EPB41: variants seen among roughly 807,000 people sequenced by gnomAD.
EPB41 encodes the protein protein 4.1.
EPB41 carries 65 observed loss-of-function variants against 108.0 expected under a neutral mutation model. That is an observed-to-expected ratio of 0.60 (90% CI 0.49 to 0.74). The LOEUF (loss-of-function observed/expected upper bound fraction) is 0.74, where lower values mean the gene tolerates loss of function less well. Ranked by LOEUF, EPB41 falls within the 30% of genes least tolerant of loss-of-function variation. EPB41 has a pLI of 0.00. For synonymous variants in EPB41, 336 were observed against 358.9 expected (o/e 0.94, Z 0.72); for missense variants, 875 against 1,037.0 (o/e 0.84, Z 2.15).
In EPB41 at chr1:28,993,399, T is replaced by C. The variant is rs754849107; in HGVS notation, c.538T>C (p.Ser180Pro). 3 of 1,613,810 alleles carry C rather than the reference T, an allele frequency of 1.9e-6. No individual in the cohort carries two copies. The highest frequency in any genetic ancestry group is 2.5e-6 in the Non-Finnish European group (3 of 1,179,998). ...GGAAGGAGAAGGACTTGAAGAGTGC[T>C]CCAAAATAGAAGTAAAAGAAGAAAG... ...IKEGEGLEEC[S>P]KIEVKEESPQ... The change falls in exon 3 of 21, where the codon TCC becomes CCC. Residue 180 changes from serine (S) to proline (P), a missense_variant. By Grantham distance (74) the Ser-to-Pro change is moderately conservative. Coordinates refer to ENST00000343067, the MANE Select transcript of EPB41 (RefSeq NM_001376013.1).
intron 5 of EPB41, among the ~76,000 whole-genome samples, chr1:29,013,851 TTTTTA>T (rs1251992845): frequency 2.8e-4 from 42 of 147,902 alleles, no homozygotes; most frequent in African/African-American, 9.0e-4. Flanking sequence ...TTTTTTTTTT[TTTTTA>T]ATCACACAAG....
intron 1 of EPB41, among the ~76,000 whole-genome samples, chr1:28,968,527 T>A (rs950319473): frequency 7.2e-5 from 11 of 152,132 alleles, no homozygotes; most frequent in Non-Finnish European, 1.6e-4. Context: ...AAATTTATGA[T>A]TGTATAGAGA....
chr1:29,115,038 C>A lies in EPB41; in HGVS notation c.2497-661C>A, dbSNP rs1670439911. Among the ~76,000 whole-genome samples the A allele has an allele frequency of 6.6e-6, 1 of 152,098 alleles. No homozygotes were observed. Among genetic ancestry groups the A allele is most frequent in the Non-Finnish European group, 1.5e-5 (1 of 68,018 alleles). ...CAGATGTTGTTTTGTCCTTTAGATT[C>A]ACATCTTGAGTGAATCCTCTCAGAC... On this transcript the variant is annotated intron_variant, in intron 19 of 20. Coordinates refer to ENST00000343067, the MANE Select transcript of EPB41 (RefSeq NM_001376013.1). This position sits in a 1 kb window ranked among gnomAD's most constrained non-coding sequence, Gnocchi z 4.4.
At chr1:28,963,914 T>A (rs1415382132) in intron 1 of EPB41, among the ~76,000 whole-genome samples, 4 of 152,226 alleles carry the variant, frequency 2.6e-5, no homozygotes, top group Admixed American at 2.6e-4. Flanking sequence ...TTAGTGCTTT[T>A]TTCTGACTCT....
Position 29,097,880 on chromosome 1 carries a change from A to G in EPB41, c.2258A>G (p.Lys753Arg), listed in dbSNP as rs1055670232. 6.2e-7 allele frequency: 1 copy of G among 1,613,956 alleles called. No homozygotes were observed. Among genetic ancestry groups the G allele is most frequent in the Non-Finnish European group, 8.5e-7 (1 of 1,179,882 alleles). Residue 753 changes from lysine to arginine, a missense_variant, in exon 17 of 21, where the codon AAA (lysine) becomes AGA (arginine). Lys to Arg is a conservative substitution (Grantham distance 26). This residue lies in a region of EPB41 where 519 missense variants were observed against 627.3 expected (regional missense o/e 0.83). Coordinates refer to ENST00000343067, the MANE Select transcript of EPB41 (RefSeq NM_001376013.1). ...ANAVKSEIPT[K>R]DVPIVHTETK... The stretch of plus-strand genomic sequence containing the variant: ...GCTGTGAAAAGTGAAATCCCAACCA[A>G]AGACGTCCCTATTGTCCACACTGAG...
At chr1:29,025,396 T>C (rs1264294427) in intron 7 of EPB41, among the ~76,000 whole-genome samples, 4 of 151,892 alleles carry the variant, frequency 2.6e-5, no homozygotes, top group Non-Finnish European at 1.5e-5. Flanking sequence ...GTGCCGGAGC[T>C]TCCTGGTCAG....
chr1:28,949,434 T>C (rs1427678792), intron 1 of EPB41, among the ~76,000 whole-genome samples: 1 of 151,980 alleles, frequency 6.6e-6, no homozygotes, highest in Admixed American at 6.6e-5. Flanking sequence ...AGTGAGACCC[T>C]GTCTCAAAAA....
chr1:29,075,720 T>G (rs917679334), intron 16 of EPB41, among the ~76,000 whole-genome samples: 3 of 152,162 alleles, frequency 2.0e-5, no homozygotes, highest in Non-Finnish European at 4.4e-5. Context: ...ATAAAACACA[T>G]AGAAAAATAT....
chr1:29,030,310 A>T (rs2096772473), intron 7 of EPB41, 90 bp from the exon 8 acceptor site: 1 of 1,004,768 alleles, frequency 1.0e-6, no homozygotes, highest in African/African-American at 1.6e-5. Context: ...GTATATGTTC[A>T]TGTGTTTAAA....
At chr1:28,993,133 T>C (rs74701154) in intron 2 of EPB41, among the ~76,000 whole-genome samples, 197 bp from the exon 3 acceptor site, 2 of 152,268 alleles carry the variant, frequency 1.3e-5, no homozygotes, top group Non-Finnish European at 2.9e-5. Flanking sequence ...GGATTCTACC[T>C]GAGAAGTTTT....
intron 1 of EPB41, chr1:28,982,641 A>G: frequency 2.1e-6 from 2 of 934,652 alleles, no homozygotes; most frequent in South Asian, 2.6e-5. Context: ...CCTACAGCAA[A>G]AAGCCCATCA....
chr1:28,950,514 A>G (rs1046700824), intron 1 of EPB41, among the ~76,000 whole-genome samples: 2 of 152,224 alleles, frequency 1.3e-5, no homozygotes, highest in Admixed American at 1.3e-4. Context: ...TTAATAAAAA[A>G]CTGTCTTGGT....
chr1:28,896,065 T>A (rs2090630709), intron 1 of EPB41, among the ~76,000 whole-genome samples: 2 of 152,218 alleles, frequency 1.3e-5, no homozygotes, highest in African/African-American at 4.8e-5. Flanking sequence ...TTGCATCTAT[T>A]GTTTACCAGT....
In EPB41 at chr1:28,992,459, C is replaced by T. The variant is rs547895224; in HGVS notation, c.469-871C>T. 9.2e-5 allele frequency among the ~76,000 whole-genome samples: 14 copies of T among 152,188 alleles called. No homozygotes were observed. The South Asian group carries it at 1.2e-3, about 14-fold the overall frequency. ...ATCCCAACACTTTGGGAGGCCGAGG[C>T]GGGCAGATCATGAGGTCAGGAGATC... On this transcript the variant is annotated intron_variant, in intron 2 of 20. Transcript: ENST00000343067.
At position 28,968,626 on chromosome 1, in the gene EPB41, T is replaced by C. The variant is rs909885512; in HGVS notation, c.-7-18805T>C. ...ATGTATTAGGTTGATGCAAAAGTAA[T>C]TGCAGTTTTTGCCGTTACTTTCAAT... On this transcript the variant is annotated intron_variant, in intron 1 of 20. Coordinates refer to ENST00000343067, the MANE Select transcript of EPB41 (RefSeq NM_001376013.1). Among the ~76,000 whole-genome samples, 4 of 152,056 alleles carry C rather than the reference T, an allele frequency of 2.6e-5. No individual in the cohort carries two copies. The East Asian group carries it at 7.7e-4, about 29-fold the overall frequency.
At chr1:28,954,541 A>G (rs1300853938) in intron 1 of EPB41, among the ~76,000 whole-genome samples, 1 of 152,192 alleles carries the variant, frequency 6.6e-6, no homozygotes, top group Non-Finnish European at 1.5e-5. Flanking sequence ...GTTTTTGGAG[A>G]CATGCCAATT....
Position 29,060,456 on chromosome 1 carries a change from A to G in EPB41, c.1979A>G (p.Tyr660Cys). The G allele has an allele frequency of 1.9e-6, 3 of 1,613,386 alleles. No individual in the cohort carries two copies. The highest frequency in any genetic ancestry group is 1.1e-5 in the South Asian group (1 of 91,060). The change falls in exon 15 of 21, where the codon TAT becomes TGT. Residue 660 changes from tyrosine to cysteine, a missense_variant. Tyr to Cys is a radical substitution (Grantham distance 194). Transcript: ENST00000343067. ...KRERLDGENI[Y>C]IRHSNLMLED... ...GAAAGACTAGATGGTGAAAACATTTATATCAGACATAGCAATTTAATGTTG... is the reference window on the plus strand; with the variant it reads ...GAAAGACTAGATGGTGAAAACATTTGTATCAGACATAGCAATTTAATGTTG...
intron 6 of EPB41, among the ~76,000 whole-genome samples, chr1:29,017,553 ATTAGTC>A (rs1436143009): frequency 6.6e-6 from 1 of 152,174 alleles, no homozygotes; most frequent in African/African-American, 2.4e-5. Flanking sequence ...CACAGATGGG[ATTAGTC>A]TTACAAGGTG....
intron 11 of EPB41, among the ~76,000 whole-genome samples, chr1:29,052,666 C>T (rs1644722621): frequency 6.6e-6 from 1 of 152,060 alleles, no homozygotes; most frequent in African/African-American, 2.4e-5. Flanking sequence ...TTTTTTCTTA[C>T]AATATATTTT....
Sources: gnomAD v4.1 joint callset for allele counts (sites outside exome capture counted in the v4.1 genomes callset) on GRCh38, gnomAD v4.1.1 for gene constraint, gnomAD v4.1.1 regional missense constraint, Gnocchi (gnomAD v3.1) non-coding constraint, MANE v1.5 for transcripts, NCBI Gene and HGNC (gene_info 2026-07-23, HGNC 2026-07-21) for gene names.